The following GRIK2 variants were observed in gnomAD, a reference collection of about 807,000 sequenced individuals.
GRIK2 encodes the protein glutamate ionotropic receptor kainate type subunit 2.
Under a neutral mutation model 100.3 loss-of-function variants are expected in GRIK2, and 32 were observed. That is an observed-to-expected ratio of 0.32 (90% confidence interval 0.24 to 0.43). The LOEUF (loss-of-function observed/expected upper bound fraction) is 0.43. Among genes scored for constraint, GRIK2 ranks in the 20% least tolerant of loss-of-function variants. The pLI is 1.00. For missense variants in GRIK2, 843 were observed against 1,114.9 expected (o/e 0.76, Z 3.47); for synonymous variants, 417 against 389.4 (o/e 1.07, Z -0.83).
At chr6:101,632,114 G>C (rs1274712452) in intron 4 of GRIK2, among the ~76,000 whole-genome samples, 1 of 151,994 alleles carries the variant, frequency 6.6e-6, no homozygotes, top group Non-Finnish European at 1.5e-5. Context: ...GTGCACATTT[G>C]CACAAACACA....
chr6:101,619,044 T>A (rs1562264311), intron 2 of GRIK2, among the ~76,000 whole-genome samples: 1 of 149,502 alleles, frequency 6.7e-6, no homozygotes, highest in Non-Finnish European at 1.5e-5. Context: ...AATTACTAAG[T>A]TGGATGATAG....
chr6:101,724,439 T>G (rs1774719131), intron 7 of GRIK2, among the ~76,000 whole-genome samples: 1 of 151,942 alleles, frequency 6.6e-6, no homozygotes, highest in East Asian at 2.0e-4. Context: ...AGTGAGAACA[T>G]GTGGTACTCG....
chr6:101,565,823 TTAACAA>T lies in GRIK2; in HGVS notation c.116-56120_116-56115del, dbSNP rs1777227269. Among the ~76,000 whole-genome samples the T allele has an allele frequency of 3.3e-5, 5 of 150,630 alleles. No homozygotes were observed. The South Asian group carries it at 1.0e-3, about 31-fold the overall frequency. ...ATTTACCTATTGTTGACCAGAAGAC[TTAACAA>T]TAACATGAACAGTAGATTAACACAT... On this transcript the variant is annotated intron_variant, in intron 2 of 16. Transcript: ENST00000369134.
chr6:101,675,899 C>T (rs1387938943), intron 4 of GRIK2, among the ~76,000 whole-genome samples: 1 of 152,124 alleles, frequency 6.6e-6, no homozygotes, highest in Non-Finnish European at 1.5e-5. Flanking sequence ...AGTTATTTCA[C>T]TGTTACATAT....
At chr6:101,756,654 A>T (rs2128387544) in intron 7 of GRIK2, among the ~76,000 whole-genome samples, 1 of 152,306 alleles carries the variant, frequency 6.6e-6, no homozygotes, top group East Asian at 1.9e-4. Context: ...TTGGTATAAA[A>T]ATAAACATTC....
intron 14 of GRIK2, among the ~76,000 whole-genome samples, chr6:101,997,386 G>T (rs1794706528): frequency 6.6e-6 from 1 of 152,000 alleles, no homozygotes; most frequent in Non-Finnish European, 1.5e-5. Flanking sequence ...TATCCTCAAA[G>T]AATATATGCT....
At chr6:101,734,212 G>A (rs1453569520) in intron 7 of GRIK2, among the ~76,000 whole-genome samples, 1 of 152,088 alleles carries the variant, frequency 6.6e-6, no homozygotes, top group Non-Finnish European at 1.5e-5. Flanking sequence ...ACTGACTCAA[G>A]CAATTATGGA....
chr6:101,713,639 A>G (rs1773865885), intron 7 of GRIK2, among the ~76,000 whole-genome samples: 1 of 151,836 alleles, frequency 6.6e-6, no homozygotes, highest in Non-Finnish European at 1.5e-5. Context: ...CTAAGTCTGC[A>G]TGACAAACAA....
intron 10 of GRIK2, among the ~76,000 whole-genome samples, chr6:101,838,562 T>C (rs1168113898): frequency 6.6e-6 from 1 of 152,210 alleles, no homozygotes; most frequent in African/African-American, 2.4e-5. Flanking sequence ...CGGAATTTTG[T>C]ATCTGCAATT....
chr6:102,005,064 G>A (rs900332950), intron 14 of GRIK2, among the ~76,000 whole-genome samples: 3 of 151,388 alleles, frequency 2.0e-5, no homozygotes, highest in African/African-American at 7.3e-5. Flanking sequence ...TACATATTTT[G>A]TTACTCCTGA....
At position 102,066,269 on chromosome 6, in the gene GRIK2, G is replaced by A. The variant is rs138227574; in HGVS notation, c.2563-2078G>A. Among the ~76,000 whole-genome samples, 525 of 151,596 alleles carry A rather than the reference G, an allele frequency of 3.5e-3. 2 individuals are homozygous for A. The highest frequency in any genetic ancestry group is 0.012 in the African/African-American group (505 of 41,472). ...TTTAAGCAATTGAATTAGAAACATT[G>A]TTAAATAAGAATTAAAATATTAGAG... On this transcript the variant is annotated intron_variant, in intron 16 of 16. Coordinates refer to ENST00000369134, the MANE Select transcript of GRIK2 (RefSeq NM_021956.5).
intron 2 of GRIK2, among the ~76,000 whole-genome samples, chr6:101,524,584 G>C (rs1562200362): frequency 6.6e-6 from 1 of 152,056 alleles, no homozygotes; most frequent in East Asian, 1.9e-4. Context: ...GGCCCACATA[G>C]TGTGATGCCC....
chr6:101,733,661 G>T (rs894670516), intron 7 of GRIK2, among the ~76,000 whole-genome samples: 1 of 148,462 alleles, frequency 6.7e-6, no homozygotes, highest in African/African-American at 2.5e-5. Context: ...AAATCTTCAA[G>T]GTCTGGTTCT....
chr6:102,015,070 A>C (rs1795761878), intron 14 of GRIK2, among the ~76,000 whole-genome samples: 1 of 152,134 alleles, frequency 6.6e-6, no homozygotes, highest in African/African-American at 2.4e-5. Context: ...TTTTGTGGGA[A>C]TCTAAGTCTC....
chr6:101,940,032 A>C (rs1411122485), intron 14 of GRIK2, among the ~76,000 whole-genome samples: 2 of 152,132 alleles, frequency 1.3e-5, no homozygotes, highest in Non-Finnish European at 2.9e-5. Flanking sequence ...TTGTGACAGA[A>C]GCCCCCTTGG....
At chr6:101,576,976 A>T (rs1777819333) in intron 2 of GRIK2, among the ~76,000 whole-genome samples, 1 of 152,110 alleles carries the variant, frequency 6.6e-6, no homozygotes, top group Non-Finnish European at 1.5e-5. Context: ...CTCGTAATCT[A>T]ATCAGATTGT....
At chr6:101,444,969 A>C (rs1448270571) in intron 2 of GRIK2, among the ~76,000 whole-genome samples, 1 of 151,990 alleles carries the variant, frequency 6.6e-6, no homozygotes, top group Non-Finnish European at 1.5e-5. Flanking sequence ...ATCTAATCTT[A>C]GATTTAATTT....
At chr6:101,461,160 G>C (rs1212910909) in intron 2 of GRIK2, among the ~76,000 whole-genome samples, 2 of 152,100 alleles carry the variant, frequency 1.3e-5, no homozygotes, top group South Asian at 4.2e-4. Context: ...TTGCTTCTGG[G>C]TGCACATGTT....
chr6:101,878,126 TATATTAATG>T, intron 11 of GRIK2, among the ~76,000 whole-genome samples: 1 of 140,880 alleles, frequency 7.1e-6, no homozygotes, highest in Admixed American at 7.2e-5. Flanking sequence ...TATATTATAT[TATATTAATG>T]TACTGAATAA....
Sources: allele counts gnomAD v4.1 joint callset (sites outside exome capture counted in the v4.1 genomes callset), GRCh38; gene constraint gnomAD v4.1.1; transcripts MANE v1.5; gene names NCBI Gene and HGNC (gene_info 2026-07-23, HGNC 2026-07-21).